C8orf34: variants seen among roughly 807,000 people sequenced by gnomAD.
The protein encoded by C8orf34 is chromosome 8 open reading frame 34, also known as uncharacterized protein C8orf34.
A neutral mutation model predicts 68.3 loss-of-function variants in C8orf34; 65 were observed. That is an observed-to-expected ratio of 0.95 (90% CI 0.78 to 1.17). The LOEUF is 1.17. C8orf34 is among the 50% of genes most tolerant of loss of function. The pLI is 0.00. For missense variants in C8orf34, 664 were observed against 655.4 expected, an observed-to-expected ratio of 1.01 and a Z score of -0.14; for synonymous variants, 244 against 241.2, an observed-to-expected ratio of 1.01 and a Z score of -0.11.
At chr8:68,532,105 A>T (rs1306483895) in intron 6 of C8orf34, among the ~76,000 whole-genome samples, 1 of 152,058 alleles carries the variant, frequency 6.6e-6, no homozygotes, top group Non-Finnish European at 1.5e-5. Context: ...ATGCTAGGAG[A>T]ACTGAGTGGC....
At chr8:68,498,757 C>A (rs1813639221) in intron 5 of C8orf34, among the ~76,000 whole-genome samples, 1 of 151,972 alleles carries the variant, frequency 6.6e-6, no homozygotes, top group African/African-American at 2.4e-5. Context: ...ATTAAGAACC[C>A]AGTATTTTTT....
At chr8:68,617,087 T>C (rs1483534159) in intron 7 of C8orf34, among the ~76,000 whole-genome samples, 1 of 152,204 alleles carries the variant, frequency 6.6e-6, no homozygotes, top group Non-Finnish European at 1.5e-5. Context: ...TAAAGTCTGT[T>C]TTATCAGAGA....
chr8:68,409,133 T>C (rs2129621967), intron 1 of C8orf34, among the ~76,000 whole-genome samples: 1 of 152,338 alleles, frequency 6.6e-6, no homozygotes, highest in East Asian at 1.9e-4. Context: ...TTCTGTACGG[T>C]GCATAATACT....
intron 7 of C8orf34, among the ~76,000 whole-genome samples, chr8:68,602,483 A>C (rs1177326160): frequency 4.6e-5 from 7 of 152,064 alleles, no homozygotes; most frequent in Admixed American, 3.9e-4. Context: ...GCCCCTTATA[A>C]AACCATCAGA....
intron 10 of C8orf34, among the ~76,000 whole-genome samples, chr8:68,752,146 G>A (rs538627824): frequency 6.6e-6 from 1 of 152,312 alleles, no homozygotes; most frequent in African/African-American, 2.4e-5. Flanking sequence ...TCCTTTAAGA[G>A]AGGGAACGTA....
At chr8:68,390,624 T>C (rs1016277987) in intron 1 of C8orf34, among the ~76,000 whole-genome samples, 6 of 152,278 alleles carry the variant, frequency 3.9e-5, no homozygotes, top group Admixed American at 2.0e-4. Flanking sequence ...GCAGGCTGTG[T>C]ACATTCCCCA....
intron 1 of C8orf34, among the ~76,000 whole-genome samples, chr8:68,339,863 T>C (rs1337430819): frequency 6.6e-6 from 1 of 152,114 alleles, no homozygotes; most frequent in East Asian, 1.9e-4. Context: ...AAACCAAAGA[T>C]AGACTATATA....
At chr8:68,706,404 A>T (rs1368022601) in intron 8 of C8orf34, among the ~76,000 whole-genome samples, 1 of 152,028 alleles carries the variant, frequency 6.6e-6, no homozygotes, top group African/African-American at 2.4e-5. Context: ...GGAGAGTGAC[A>T]CTGTGAAAGA....
chr8:68,710,199 G>A (rs1821291918), intron 9 of C8orf34, among the ~76,000 whole-genome samples: 1 of 152,060 alleles, frequency 6.6e-6, no homozygotes. Flanking sequence ...GCTCCAAGAA[G>A]TACCGCAGGA....
At chr8:68,520,366 T>C (rs1452425752) in intron 5 of C8orf34, among the ~76,000 whole-genome samples, 2 of 152,252 alleles carry the variant, frequency 1.3e-5, no homozygotes, top group Non-Finnish European at 2.9e-5. Context: ...AAGATTATAT[T>C]GTATTATATT....
chr8:68,688,255 G>GTATC, intron 8 of C8orf34, among the ~76,000 whole-genome samples: 1 of 152,168 alleles, frequency 6.6e-6, no homozygotes, highest in East Asian at 1.9e-4. Context: ...CCACTACTGG[G>GTATC]TATCTATTCA....
In C8orf34 at chr8:68,372,817, G is replaced by A. The variant is rs146947597; in HGVS notation, c.327+41478G>A. 5.4e-3 allele frequency among the ~76,000 whole-genome samples: 822 copies of A among 152,098 alleles called. 38 individuals are homozygous for A. In the South Asian group the frequency reaches 0.089, roughly 16 times the overall value. On this transcript the variant is annotated intron_variant, in intron 1 of 13. Transcript: ENST00000518698. ...CTCCCTGTGTCCATGTGTTCTCATT[G>A]TTCAACTCCCACTGATGAGTGAGAA...
At chr8:68,705,277 G>T (rs954190529) in intron 8 of C8orf34, among the ~76,000 whole-genome samples, 4 of 152,128 alleles carry the variant, frequency 2.6e-5, no homozygotes, top group Non-Finnish European at 4.4e-5. Flanking sequence ...CTATCAAAGT[G>T]GTTGAGATGA....
At chr8:68,446,549 C>T in intron 3 of C8orf34, 89 bp downstream of exon 3, 4 of 1,355,084 alleles carry the variant, frequency 3.0e-6, no homozygotes, top group Non-Finnish European at 4.0e-6. Context: ...TGAAGCCCAA[C>T]TTTTCATCTG....
At chr8:68,369,737 G>A (rs574263071) in intron 1 of C8orf34, among the ~76,000 whole-genome samples, 1 of 152,314 alleles carries the variant, frequency 6.6e-6, no homozygotes, top group African/African-American at 2.4e-5. Flanking sequence ...TAGTCATCTG[G>A]AGAAGCAGAC....
At chr8:68,591,146 A>G (rs1817377055) in intron 7 of C8orf34, among the ~76,000 whole-genome samples, 1 of 152,146 alleles carries the variant, frequency 6.6e-6, no homozygotes, top group South Asian at 2.1e-4. Flanking sequence ...TGATAAGCTG[A>G]GATATGGCAT....
At chr8:68,621,735 C>T (rs141460533) in intron 7 of C8orf34, among the ~76,000 whole-genome samples, 7 of 152,248 alleles carry the variant, frequency 4.6e-5, no homozygotes, top group African/African-American at 1.2e-4. Flanking sequence ...TCTTCAACTT[C>T]GGTTAGTCAA....
At chr8:68,439,784 A>G (rs570422111) in intron 2 of C8orf34, 138 bp downstream of exon 2, 2 of 720,742 alleles carry the variant, frequency 2.8e-6, no homozygotes, top group East Asian at 3.0e-5. Context: ...CCTTACCTAG[A>G]TGCTAAAATT....
chr8:68,812,778 C>G (rs139506585), intron 12 of C8orf34, among the ~76,000 whole-genome samples: 1 of 152,224 alleles, frequency 6.6e-6, no homozygotes, highest in East Asian at 1.9e-4. Context: ...GGTTACGTAA[C>G]TTTTAAAGAT....
Sources: allele counts gnomAD v4.1 joint callset (sites outside exome capture counted in the v4.1 genomes callset), GRCh38; gene constraint gnomAD v4.1.1; transcripts MANE v1.5; gene names NCBI Gene and HGNC (gene_info 2026-07-23, HGNC 2026-07-21).